Variants in SORL1 observed in about 807,000 individuals in gnomAD.
The protein encoded by SORL1 is sortilin-related receptor.
Under a neutral mutation model 273.7 loss-of-function variants are expected in SORL1, and 127 were observed. That is an observed-to-expected ratio of 0.46 (90% CI 0.40 to 0.54). The LOEUF (loss-of-function observed/expected upper bound fraction) is 0.54. SORL1 is among the 20% of genes least tolerant of loss of function. SORL1 has a pLI of 0.00. For missense variants in SORL1, 2,494 were observed against 2,846.1 expected, an observed-to-expected ratio of 0.88 and a Z score of 2.81; for synonymous variants, 1,031 against 1,067.4, an observed-to-expected ratio of 0.97 and a Z score of 0.66.
intron 22 of SORL1, among the ~76,000 whole-genome samples, chr11:121,568,870 C>A (rs1020436379): frequency 3.9e-5 from 6 of 152,188 alleles, no homozygotes; most frequent in African/African-American, 1.4e-4. Flanking sequence ...AAGAGGAAAG[C>A]AAGAGGCTAG....
chr11:121,613,595 C>T (rs992529752), intron 40 of SORL1, among the ~76,000 whole-genome samples: 3 of 152,038 alleles, frequency 2.0e-5, no homozygotes, highest in African/African-American at 7.2e-5. Flanking sequence ...GTTATTTTGA[C>T]TTTTGCACAT....
intron 12 of SORL1, among the ~76,000 whole-genome samples, chr11:121,535,182 A>G (rs536199508): frequency 6.6e-6 from 1 of 152,140 alleles, no homozygotes; most frequent in South Asian, 2.1e-4. Context: ...ACTGTGCTCC[A>G]TGTCAATGAC....
chr11:121,535,279 A>G (rs778918577), intron 12 of SORL1, among the ~76,000 whole-genome samples: 1 of 152,226 alleles, frequency 6.6e-6, no homozygotes, highest in Non-Finnish European at 1.5e-5. Context: ...GACCTAATCT[A>G]CTTTCCTTAG....
chr11:121,604,434 C>G, intron 33 of SORL1, 110 bp downstream of exon 33: 1 of 1,358,780 alleles, frequency 7.4e-7, no homozygotes. Context: ...AACTGTTGCT[C>G]AATCTAAGGA....
rs547945536 is a variant in SORL1, at chr11:121,605,429, T to C, written c.4806T>C (p.Thr1602=). ...TGGTTGGAGAGAGCATATGGAAGAC[T>C]CTGGAGACCCACAGCAATAAGACAA... The part of the protein sequence containing the change: ...YRVVGESIWK[T]LETHSNKTNT... The change falls in exon 35 of 48, where the codon ACT becomes ACC. Residue 1602 remains threonine, a synonymous_variant. Transcript: ENST00000260197. 71 of 1,613,682 alleles carry C rather than the reference T, an allele frequency of 4.4e-5. No homozygotes were observed. In the South Asian group the frequency reaches 7.2e-4, roughly 16 times the overall value.
chr11:121,624,522 T>C (rs531866082), intron 45 of SORL1, among the ~76,000 whole-genome samples: 1 of 152,290 alleles, frequency 6.6e-6, no homozygotes, highest in East Asian at 1.9e-4. Context: ...GTGCTTCTGA[T>C]TTCAAGGCCA....
chr11:121,548,654 C>T (rs1033723246), intron 14 of SORL1, among the ~76,000 whole-genome samples: 1 of 152,178 alleles, frequency 6.6e-6, no homozygotes, highest in African/African-American at 2.4e-5. Context: ...GCAACCTCTG[C>T]CTCCCAAGTT....
chr11:121,456,224 C>G (rs1363245095), intron 1 of SORL1, among the ~76,000 whole-genome samples: 1 of 152,220 alleles, frequency 6.6e-6, no homozygotes, highest in Admixed American at 6.5e-5. Context: ...AGGAATACCT[C>G]TTGGTATTCT....
At chr11:121,573,788 A>T (rs192832213) in intron 23 of SORL1, among the ~76,000 whole-genome samples, 1 of 152,218 alleles carries the variant, frequency 6.6e-6, no homozygotes, top group Non-Finnish European at 1.5e-5. Flanking sequence ...GACAGAGCCT[A>T]TGTTCCTACT....
At chr11:121,607,313 G>A in intron 37 of SORL1, 23 bp downstream of exon 37, 1 of 1,346,888 alleles carries the variant, frequency 7.4e-7, no homozygotes, top group Non-Finnish European at 1.1e-6. Context: ...ATCCATTCCA[G>A]CCATCCATGC....
intron 12 of SORL1, among the ~76,000 whole-genome samples, chr11:121,538,771 C>T (rs1862305177): frequency 6.6e-6 from 1 of 152,100 alleles, no homozygotes; most frequent in Non-Finnish European, 1.5e-5. Flanking sequence ...CTCCGCCTCC[C>T]AGGTTCAAGC....
intron 25 of SORL1, among the ~76,000 whole-genome samples, chr11:121,580,925 T>A (rs1297035490): frequency 6.6e-6 from 1 of 150,962 alleles, no homozygotes; most frequent in Non-Finnish European, 1.5e-5. Context: ...ACACTTTTTT[T>A]TTTTTTTTTG....
chr11:121,504,895 C>T (rs564990738), intron 6 of SORL1, among the ~76,000 whole-genome samples: 3 of 152,180 alleles, frequency 2.0e-5, no homozygotes, highest in South Asian at 2.1e-4. Context: ...GTGTTTTTAT[C>T]ATGAAAAAAT....
chr11:121,470,480 T>C (rs946086667), intron 2 of SORL1, among the ~76,000 whole-genome samples: 10 of 152,356 alleles, frequency 6.6e-5, no homozygotes, highest in African/African-American at 1.9e-4. Context: ...GCTGGTTTCT[T>C]CTAACCCATT....
At chr11:121,458,366 A>G (rs1416066112) in intron 1 of SORL1, among the ~76,000 whole-genome samples, 1 of 152,244 alleles carries the variant, frequency 6.6e-6, no homozygotes, top group Non-Finnish European at 1.5e-5. Flanking sequence ...AATGTTTTAA[A>G]TGAATAAAAA....
At position 121,611,204 on chromosome 11, in the gene SORL1, G is replaced by T. The variant is rs377492907; in HGVS notation, c.5322+46G>T. 4.6e-5 allele frequency: 59 copies of T among 1,288,954 alleles called. No homozygotes were observed. The East Asian group carries it at 1.2e-3, about 27-fold the overall frequency. 79.8% of individuals were successfully genotyped at this position (1,288,954 alleles called of 1,614,324 possible). On this transcript the variant is annotated intron_variant, in intron 39 of 47. Coordinates refer to ENST00000260197, the MANE Select transcript of SORL1 (RefSeq NM_003105.6). ...CAGCAGCTGGATGGGGCTTTATTTTGTATGGGAACTGAAAGGACATAGCAC... is the reference window on the plus strand; with the variant it reads ...CAGCAGCTGGATGGGGCTTTATTTTTTATGGGAACTGAAAGGACATAGCAC...
intron 2 of SORL1, among the ~76,000 whole-genome samples, chr11:121,471,794 T>C (rs1458882370): frequency 6.6e-6 from 1 of 152,144 alleles, no homozygotes; most frequent in East Asian, 1.9e-4. Context: ...GGGCTGGCTG[T>C]CAGGATGCAT....
At chr11:121,624,953 AAGG>A in intron 45 of SORL1, 129 bp from the exon 46 acceptor site, 2 of 604,200 alleles carry the variant, frequency 3.3e-6, no homozygotes, top group Non-Finnish European at 5.8e-6. Flanking sequence ...TAAAAAGAAC[AAGG>A]AGAAACCCAG....
At position 121,522,661 on chromosome 11, in the gene SORL1, A is replaced by T. The variant is rs771038731; in HGVS notation, c.1480A>T (p.Ile494Phe). Residue 494 changes from isoleucine (I) to phenylalanine (F), a missense_variant, in exon 10 of 48, where the codon ATC becomes TTC. Around this residue, in one of 3 missense-constraint regions of SORL1, gnomAD observed 710 missense variants for 882.5 expected, o/e 0.80. Coordinates refer to ENST00000260197, the MANE Select transcript of SORL1 (RefSeq NM_003105.6). ...CAACCTCCAGCTCCGGAGAATGCCC[A>T]TCCTGTCCAAGGAGTCGGCTCCAGG... ...LLNLQLRRMP[I>F]LSKESAPGLI... 1.2e-6 allele frequency: 2 copies of T among 1,614,154 alleles called. No individual in the cohort carries two copies. Among genetic ancestry groups the T allele is most frequent in the Non-Finnish European group, 1.7e-6 (2 of 1,179,992 alleles).
Sources: allele counts gnomAD v4.1 joint callset (sites outside exome capture counted in the v4.1 genomes callset), GRCh38; gene constraint gnomAD v4.1.1; regional missense constraint gnomAD v4.1.1; transcripts MANE v1.5; gene names NCBI Gene and HGNC (gene_info 2026-07-23, HGNC 2026-07-21).